RUNX2: variants seen among roughly 807,000 people sequenced by gnomAD.
RUNX2 encodes the protein RUNX family transcription factor 2.
RUNX2 carries 10 observed loss-of-function variants against 51.7 expected under a neutral mutation model. That is an observed-to-expected ratio of 0.19 (90% CI 0.12 to 0.33). The LOEUF (loss-of-function observed/expected upper bound fraction) is 0.33, where lower values mean the gene tolerates loss of function less well. Ranked by LOEUF, RUNX2 falls within the 10% of genes least tolerant of loss-of-function variation. RUNX2 has a pLI of 1.00. For missense variants in RUNX2, 562 were observed against 691.3 expected (o/e 0.81, Z 2.10); for synonymous variants, 276 against 273.6 (o/e 1.01, Z -0.09).
chr6:45,517,520 G>T (rs1276497508), intron 7 of RUNX2, among the ~76,000 whole-genome samples: 1 of 152,076 alleles, frequency 6.6e-6, no homozygotes, highest in Non-Finnish European at 1.5e-5. Context: ...CATTTATGGG[G>T]TTTTTGTTTG....
At position 45,512,235 on chromosome 6, in the gene RUNX2, C is replaced by T. The variant is rs763292007; in HGVS notation, c.860-11C>T. 1 of 1,610,660 alleles carries T rather than the reference C, an allele frequency of 6.2e-7. No homozygotes were observed. Among genetic ancestry groups the T allele is most frequent in the South Asian group, 1.1e-5 (1 of 90,978 alleles). On this transcript the variant is annotated splice_polypyrimidine_tract_variant and intron_variant, in intron 6 of 8. Coordinates refer to ENST00000647337, the MANE Select transcript of RUNX2 (RefSeq NM_001024630.4). ...TGCTATACTAAAGATTTTTCTTTTT[C>T]TTTTTCCCAGACCCCAGGCAGGCAC...
At chr6:45,450,314 C>T (rs1255196609) in intron 5 of RUNX2, among the ~76,000 whole-genome samples, 2 of 152,180 alleles carry the variant, frequency 1.3e-5, no homozygotes, top group African/African-American at 4.8e-5. Flanking sequence ...ATACCATCTC[C>T]CTTTAAAATA....
chr6:45,505,136 C>A (rs1011914540), intron 6 of RUNX2, among the ~76,000 whole-genome samples: 2 of 152,148 alleles, frequency 1.3e-5, no homozygotes, highest in African/African-American at 4.8e-5. Context: ...CCTGGTGTGC[C>A]TTGTTGTGAG....
At chr6:45,363,658 T>A (rs1197290139) in intron 2 of RUNX2, among the ~76,000 whole-genome samples, 1 of 151,996 alleles carries the variant, frequency 6.6e-6, no homozygotes, top group African/African-American at 2.4e-5. Flanking sequence ...ATAAAGCCAC[T>A]AAACTATAAT....
chr6:45,377,570 C>A (rs1582042508), intron 2 of RUNX2: 1 of 152,408 alleles, frequency 6.6e-6, no homozygotes, highest in East Asian at 1.9e-4. Flanking sequence ...CTGCGCCCGG[C>A]CAGCGCCTCC....
rs529170591 is a variant in RUNX2 at position 45,388,627 on chromosome 6, A to G, written c.59-33966A>G. ...TGACTCCTCCAACTAGCAAGCAATG[A>G]TGAAGCACAAACTATGTTACTCAAC... On this transcript the variant is annotated intron_variant, in intron 2 of 8. Coordinates refer to ENST00000647337, the MANE Select transcript of RUNX2 (RefSeq NM_001024630.4). Among the ~76,000 whole-genome samples, 6 of 152,338 alleles carry G rather than the reference A, an allele frequency of 3.9e-5. No homozygotes were observed. In the South Asian group the frequency reaches 1.2e-3, roughly 32 times the overall value.
In RUNX2 at chr6:45,422,636, G is replaced by A; in HGVS notation, c.102G>A (p.Leu34=). ...GCTTCAGCCCCCCCTCCAGCAGCCT[G>A]CAGCCCGGCAAAATGAGCGACGTGA... is the stretch of plus-strand genomic sequence containing the variant. ...SRRFSPPSSS[L]QPGKMSDVSP... is the part of the protein sequence containing the mutation. Residue 34 remains leucine, a synonymous_variant, in exon 3 of 9, where the codon CTG becomes CTA. Coordinates refer to ENST00000647337, the MANE Select transcript of RUNX2 (RefSeq NM_001024630.4). 6.2e-7 allele frequency: 1 copy of A among 1,606,456 alleles called. No homozygotes were observed. The highest frequency in any genetic ancestry group is 8.5e-7 in the Non-Finnish European group (1 of 1,177,320).
chr6:45,347,755 ATTC>A (rs1791176589), intron 2 of RUNX2, among the ~76,000 whole-genome samples: 1 of 151,396 alleles, frequency 6.6e-6, no homozygotes, highest in South Asian at 2.1e-4. Flanking sequence ...GAACTTCACA[ATTC>A]TTTTTTTTAA....
At position 45,328,761 on chromosome 6, in the gene RUNX2, C is replaced by G. The variant is rs373621180; in HGVS notation, c.35C>G (p.Pro12Arg). 6.2e-7 allele frequency: 1 copy of G among 1,612,054 alleles called. No homozygotes were observed. The highest frequency in any genetic ancestry group is 1.1e-5 in the South Asian group (1 of 91,046). The change falls in exon 2 of 9, where the codon CCA becomes CGA. Residue 12 changes from proline (P) to arginine (R), a missense_variant. Physicochemically the swap from Pro to Arg is moderately radical, Grantham distance 103. This residue lies in a region of RUNX2 where 153 missense variants were observed against 144.8 expected (regional missense o/e 1.06). Transcript: ENST00000647337. ...ASNSLFSTVT[P>R]CQQNFFWDPS... ...AACAGCCTCTTCAGCACAGTGACAC[C>G]ATGTCAGCAAAACTTCTTTTGGGGT... is the stretch of plus-strand genomic sequence containing the variant.
rs138700388 is a variant in RUNX2, at chr6:45,361,022, A to C, written c.58+32238A>C. Among the ~76,000 whole-genome samples the C allele has an allele frequency of 7.9e-5, 12 of 152,302 alleles. No homozygotes were observed. In the East Asian group the frequency reaches 2.3e-3, roughly 29 times the overall value. ...GCACAGTGGCACATGCCTGTAGTCC[A>C]AGCTACTCAGGAGATGGGGGCAGGA... On this transcript the variant is annotated intron_variant, in intron 2 of 8. Transcript: ENST00000647337.
At chr6:45,521,222 GA>G (rs1290120592) in intron 7 of RUNX2, among the ~76,000 whole-genome samples, 2 of 151,924 alleles carry the variant, frequency 1.3e-5, no homozygotes, top group Non-Finnish European at 2.9e-5. Flanking sequence ...ATATGTAGGA[GA>G]AAAAAAGGAA....
intron 8 of RUNX2, among the ~76,000 whole-genome samples, chr6:45,545,793 A>C (rs1241584372): frequency 1.3e-5 from 2 of 152,272 alleles, no homozygotes; most frequent in Non-Finnish European, 2.9e-5. Context: ...TCACAACTAC[A>C]AGATTCTAGC....
intron 5 of RUNX2, among the ~76,000 whole-genome samples, chr6:45,445,378 G>A (rs2150376682): frequency 6.6e-6 from 1 of 152,288 alleles, no homozygotes; most frequent in South Asian, 2.1e-4. Context: ...GAGGGTACAT[G>A]TAAAATATGT....
chr6:45,532,162 A>ATTTTTTTTTT (rs3055521), intron 7 of RUNX2, among the ~76,000 whole-genome samples: 3 of 85,120 alleles, frequency 3.5e-5, no homozygotes, highest in Admixed American at 1.4e-4. Context: ...GAAAACCTAG[A>ATTTTTTTTTT]TTTTTTTTTT....
intron 2 of RUNX2, among the ~76,000 whole-genome samples, chr6:45,378,156 G>A (rs1336984510): frequency 6.6e-6 from 1 of 152,230 alleles, no homozygotes; most frequent in Non-Finnish European, 1.5e-5. Context: ...CCCGGCTTGG[G>A]CAGCGCTGAG....
intron 5 of RUNX2, among the ~76,000 whole-genome samples, chr6:45,482,174 A>G (rs1402656237): frequency 1.3e-5 from 2 of 152,224 alleles, no homozygotes; most frequent in Non-Finnish European, 2.9e-5. Context: ...GTATATTTCC[A>G]TGATGCTTTC....
chr6:45,491,622 GTTTTTT>G (rs34040641), intron 5 of RUNX2, among the ~76,000 whole-genome samples: 1 of 93,512 alleles, frequency 1.1e-5, no homozygotes, highest in Non-Finnish European at 2.1e-5. Context: ...TCTCCTGTTT[GTTTTTT>G]TTTTTTTTTT....
intron 2 of RUNX2, among the ~76,000 whole-genome samples, chr6:45,343,987 A>G (rs909191361): frequency 5.3e-5 from 8 of 152,346 alleles, no homozygotes; most frequent in Admixed American, 3.9e-4. Flanking sequence ...ATATTTTACA[A>G]TCACAGGTGC....
intron 4 of RUNX2, among the ~76,000 whole-genome samples, chr6:45,432,787 A>T (rs1255602391): frequency 1.3e-5 from 2 of 152,160 alleles, no homozygotes; most frequent in African/African-American, 4.8e-5. Flanking sequence ...GCTTTTATTT[A>T]CTTATTCTAC....
Sources: allele counts gnomAD v4.1 joint callset (sites outside exome capture counted in the v4.1 genomes callset), GRCh38; gene constraint gnomAD v4.1.1; regional missense constraint gnomAD v4.1.1; transcripts MANE v1.5; gene names NCBI Gene and HGNC (gene_info 2026-07-23, HGNC 2026-07-21).